RBM45: variants seen among roughly 807,000 people sequenced by gnomAD.
RBM45 encodes the protein RNA-binding protein 45.
RBM45 carries 39 observed loss-of-function variants against 58.5 expected under a neutral mutation model. The observed-to-expected ratio is 0.67, with a 90% confidence interval of 0.52 to 0.87. The LOEUF (loss-of-function observed/expected upper bound fraction) is 0.87, where lower values mean the gene tolerates loss of function less well. RBM45 is among the 40% of genes least tolerant of loss of function. The pLI, the probability that RBM45 is intolerant of heterozygous loss-of-function variation, is 0.00. For missense variants in RBM45, 481 were observed against 581.6 expected (o/e 0.83, Z 1.78); for synonymous variants, 193 against 203.0 (o/e 0.95, Z 0.42).
chr2:178,135,002 A>G (rs1461302421), intron 3 of RBM45, among the ~76,000 whole-genome samples: 1 of 152,186 alleles, frequency 6.6e-6, no homozygotes, highest in Non-Finnish European at 1.5e-5. Flanking sequence ...GCAAGACTCC[A>G]TCTCAAAAAT....
intron 9 of RBM45, among the ~76,000 whole-genome samples, chr2:178,126,620 A>G (rs1397174218): frequency 6.6e-6 from 1 of 152,216 alleles, no homozygotes; most frequent in Non-Finnish European, 1.5e-5. Flanking sequence ...CTTCTCTCTA[A>G]TGAAATGCCT....
chr2:178,127,534 A>G (rs943714518), intron 9 of RBM45, among the ~76,000 whole-genome samples: 1 of 152,212 alleles, frequency 6.6e-6, no homozygotes, highest in Admixed American at 6.5e-5. Context: ...GGCATTTGAC[A>G]AGAGAAAGTG....
chr2:178,121,095 ACT>A, intron 4 of RBM45, 83 bp from the exon 5 acceptor site: 2 of 667,812 alleles, frequency 3.0e-6, no homozygotes, highest in Admixed American at 3.1e-5. Context: ...AGTACAATGG[ACT>A]CTGTTTTCTA....
chr2:178,116,522 A>G, intron 2 of RBM45, 138 bp downstream of exon 2: 1 of 619,534 alleles, frequency 1.6e-6, no homozygotes, highest in Non-Finnish European at 2.5e-6. Flanking sequence ...CATCAATTTC[A>G]ATCTACTCTT....
chr2:178,130,224 G>C (rs1346540911), downstream of RBM45, among the ~76,000 whole-genome samples: 1 of 152,114 alleles, frequency 6.6e-6, no homozygotes, highest in African/African-American at 2.4e-5. Flanking sequence ...TGAAATTAAA[G>C]ATTAAAATTA....
chr2:178,120,230 A>G (rs2087830715), intron 3 of RBM45, 57 bp from the exon 4 acceptor site: 6 of 1,603,574 alleles, frequency 3.7e-6, no homozygotes, highest in Non-Finnish European at 4.3e-6. Flanking sequence ...GCAATCAAGT[A>G]TATTTGCAGG....
chr2:178,132,279 A>T (rs991226729), downstream of RBM45, among the ~76,000 whole-genome samples: 1 of 152,230 alleles, frequency 6.6e-6, no homozygotes, highest in African/African-American at 2.4e-5. Context: ...AGAATTTTTC[A>T]AAGTTAAATA....
chr2:178,122,135 T>C (rs1355294124), intron 5 of RBM45, among the ~76,000 whole-genome samples: 1 of 152,202 alleles, frequency 6.6e-6, no homozygotes. Context: ...GGATCATTGA[T>C]ACCTTCTTTG....
exon 4 of RBM45, chr2:178,137,967 C>T (rs2088058293): frequency 2.0e-5 from 3 of 151,982 alleles, no homozygotes; most frequent in Non-Finnish European, 2.9e-5. Context: ...TTTGCTCCCC[C>T]TATGGTGCAG....
intron 3 of RBM45, 90 bp from the exon 4 acceptor site, chr2:178,120,197 T>C: frequency 6.5e-7 from 1 of 1,534,864 alleles, no homozygotes; most frequent in African/African-American, 1.4e-5. Context: ...ACAATTATAT[T>C]TATAAAGCTG....
chr2:178,117,731 G>A (rs570210304), intron 2 of RBM45, among the ~76,000 whole-genome samples: 1 of 152,208 alleles, frequency 6.6e-6, no homozygotes, highest in South Asian at 2.1e-4. Flanking sequence ...ATTAATGAGT[G>A]GTTGATTCAG....
intron 9 of RBM45, 65 bp from the exon 10 acceptor site, chr2:178,129,332 T>A (rs1480324922): frequency 6.6e-6 from 1 of 152,470 alleles, no homozygotes; most frequent in African/African-American, 2.4e-5. Flanking sequence ...TTAGGAATAC[T>A]ACAACAGCTA....
rs760621647 is a variant in RBM45 at position 178,118,254 on chromosome 2, T to C, written c.550+73T>C. ...TTATTCTAAATAGCTGAATTTAATA[T>C]TAGTTTTTGCTAATAACTGTATCTG... On this transcript the variant is annotated intron_variant, in intron 3 of 9. Coordinates refer to ENST00000286070, the MANE Select transcript of RBM45 (RefSeq NM_152945.4). 9.7e-5 allele frequency: 138 copies of C among 1,427,218 alleles called. No individual in the cohort carries two copies. The East Asian group carries it at 2.0e-3, about 20-fold the overall frequency. 88.4% of individuals were successfully genotyped at this position (1,427,218 alleles called of 1,614,324 possible).
rs758552156 is a variant in RBM45, at chr2:178,121,229, G to A, written c.723G>A (p.Gln241=). The A allele has an allele frequency of 1.3e-6, 2 of 1,583,414 alleles. No homozygotes were observed. Among genetic ancestry groups the A allele is most frequent in the Non-Finnish European group, 8.6e-7 (1 of 1,163,324 alleles). ...SSFDKNDSRG[Q]EAISKRLSVV... Reference sequence around the variant, plus strand: ...TTGACAAGAATGATAGCCGAGGCCAGGAAGCAATCTCCAAACGCTTGTCAG... The same window carrying A: ...TTGACAAGAATGATAGCCGAGGCCAAGAAGCAATCTCCAAACGCTTGTCAG... Residue 241 remains glutamine, a synonymous_variant, in exon 5 of 10, where the codon CAG becomes CAA. Coordinates refer to ENST00000286070, the MANE Select transcript of RBM45 (RefSeq NM_152945.4).
chr2:178,130,180 T>C (rs1202942880), downstream of RBM45, among the ~76,000 whole-genome samples: 3 of 152,178 alleles, frequency 2.0e-5, no homozygotes, highest in Non-Finnish European at 4.4e-5. Flanking sequence ...TAAGGAATTT[T>C]CAAAACAGAC....
chr2:178,134,476 CAT>C (rs2088028993), downstream of RBM45, among the ~76,000 whole-genome samples: 1 of 151,882 alleles, frequency 6.6e-6, no homozygotes, highest in African/African-American at 2.4e-5. Context: ...TTTTTTTGCT[CAT>C]ATATTATTAA....
chr2:178,123,737 A>T (rs1381612930), intron 6 of RBM45, 86 bp downstream of exon 6: 1 of 1,589,800 alleles, frequency 6.3e-7, no homozygotes, highest in Non-Finnish European at 8.6e-7. Context: ...GAAACAATTG[A>T]CCTCTCAGGT....
chr2:178,119,945 G>C (rs1230041662), intron 3 of RBM45, among the ~76,000 whole-genome samples: 1 of 152,146 alleles, frequency 6.6e-6, no homozygotes, highest in Admixed American at 6.6e-5. Context: ...AAGAAACTTG[G>C]TGACAGGTTA....
In RBM45 at chr2:178,116,290, G is replaced by T. The variant is rs200373750; in HGVS notation, c.329G>T (p.Gly110Val). 3.0e-5 allele frequency: 49 copies of T among 1,611,634 alleles called. No homozygotes were observed. The highest frequency in any genetic ancestry group is 3.9e-5 in the Non-Finnish European group (46 of 1,179,156). ...KVFIAQSRSS[G>V]SHRDVEDEEL... is the part of the protein sequence containing the mutation. ...TTCATTGCTCAGTCCCGATCATCTG[G>T]AAGTCACCGAGATGTTGAAGATGAA... Residue 110 changes from glycine to valine, a missense_variant, in exon 2 of 10, where the codon GGA becomes GTA. Physicochemically the swap from Gly to Val is moderately radical, Grantham distance 109. Transcript: ENST00000286070.
Sources: gnomAD v4.1 joint callset for allele counts (sites outside exome capture counted in the v4.1 genomes callset) on GRCh38, gnomAD v4.1.1 for gene constraint, MANE v1.5 for transcripts, NCBI Gene and HGNC (gene_info 2026-07-23, HGNC 2026-07-21) for gene names.